The following MARK1 variants were observed in gnomAD, a reference collection of about 807,000 sequenced individuals.
MARK1 encodes serine/threonine-protein kinase MARK1.
A neutral mutation model predicts 96.3 loss-of-function variants in MARK1; 40 were observed. The ratio of observed to expected loss-of-function variants is 0.42; its 90% CI spans 0.32 to 0.54. MARK1 has a LOEUF of 0.54. MARK1 is among the 20% of genes least tolerant of loss of function. The pLI, the probability that MARK1 is intolerant of heterozygous loss-of-function variation, is 0.16. For missense variants in MARK1, 719 were observed against 984.6 expected, an observed-to-expected ratio of 0.73 and a Z score of 3.61; for synonymous variants, 317 against 341.2, an observed-to-expected ratio of 0.93 and a Z score of 0.78.
intron 13 of MARK1, among the ~76,000 whole-genome samples, chr1:220,640,625 A>G (rs754072971): frequency 9.9e-4 from 150 of 152,204 alleles, no homozygotes; most frequent in Non-Finnish European, 1.5e-3. Context: ...TGGATACTTT[A>G]TAAAGAAAAG....
At chr1:220,559,107 C>G (rs932785321) in intron 1 of MARK1, among the ~76,000 whole-genome samples, 1 of 152,070 alleles carries the variant, frequency 6.6e-6, no homozygotes. Flanking sequence ...AGAAAAATTA[C>G]AGAAATCAGA....
intron 13 of MARK1, among the ~76,000 whole-genome samples, chr1:220,643,048 C>T (rs1387732362): frequency 6.6e-6 from 1 of 152,032 alleles, no homozygotes; most frequent in Non-Finnish European, 1.5e-5. Flanking sequence ...TGCCTCTTCT[C>T]CTCCAAATAA....
chr1:220,638,869 C>A (rs1668119700), intron 13 of MARK1, among the ~76,000 whole-genome samples: 1 of 152,080 alleles, frequency 6.6e-6, no homozygotes, highest in African/African-American at 2.4e-5. Context: ...TCTTCCCTAT[C>A]CATTTCCTTT....
At position 220,528,317 on chromosome 1, in the gene MARK1, C is replaced by A. The variant is rs1265271812; in HGVS notation, c.-506C>A. ...CGCCGCCGCCGCTGGGCCCCGGGCG[C>A]GTGGATGCGGCTGGGTCGGGCGGCG... On this transcript the variant is annotated 5_prime_UTR_variant, in exon 1 of 18. Transcript: ENST00000366917. 1.3e-5 allele frequency: 2 copies of A among 151,828 alleles called. No homozygotes were observed. The highest frequency in any genetic ancestry group is 3.9e-4 in the East Asian group (2 of 5,138). The allele number at this position is 151,828 out of a possible 1,614,324, so 9.4% of individuals were successfully genotyped here. A position where few individuals can be genotyped will look rare whatever the true frequency, so the allele number is the denominator to read the frequency against.
In MARK1 at chr1:220,661,897, A is replaced by C; in HGVS notation, c.2119A>C (p.Lys707Gln). 6.2e-7 allele frequency: 1 copy of C among 1,614,228 alleles called. No individual in the cohort carries two copies. Among genetic ancestry groups the C allele is most frequent in the Non-Finnish European group, 8.5e-7 (1 of 1,180,028 alleles). Residue 707 changes from lysine (K) to glutamine (Q), a missense_variant, in exon 18 of 18, where the codon AAG becomes CAG. Lys to Gln is a moderately conservative substitution (Grantham distance 53, BLOSUM62 1). This residue lies in a region of MARK1 where 501 missense variants were observed against 588.3 expected (regional missense o/e 0.85). Transcript: ENST00000366917. ...PRSLRFTWSM[K>Q]TTSSMDPNDM... ...TTCTTTGCGGTTCACATGGAGTATG[A>C]AGACCACTAGTTCAATGGACCCTAA... is the stretch of plus-strand genomic sequence containing the variant.
At chr1:220,544,564 A>G (rs1218281785) in intron 1 of MARK1, among the ~76,000 whole-genome samples, 1 of 152,192 alleles carries the variant, frequency 6.6e-6, no homozygotes, top group African/African-American at 2.4e-5. Context: ...CAGAATCATG[A>G]GCTAAATAAA....
At chr1:220,565,945 G>C (rs941937334) in intron 1 of MARK1, among the ~76,000 whole-genome samples, 1 of 152,258 alleles carries the variant, frequency 6.6e-6, no homozygotes, top group African/African-American at 2.4e-5. Flanking sequence ...ATAGGAGGAA[G>C]GTTTGGGGAG....
At chr1:220,649,238 T>G (rs75427457) in intron 13 of MARK1, among the ~76,000 whole-genome samples, 9,725 of 151,918 alleles carry the variant, frequency 0.064, 334 homozygotes, top group East Asian at 0.11. Context: ...TTTTTTTTTT[T>G]TGGGGGACAG....
Position 220,579,536 on chromosome 1 carries a change from A to C in MARK1, c.234A>C (p.Arg78Ser). 2 of 1,613,998 alleles carry C rather than the reference A, an allele frequency of 1.2e-6. No individual in the cohort carries two copies. Among genetic ancestry groups the C allele is most frequent in the Non-Finnish European group, 1.7e-6 (2 of 1,179,914 alleles). ...KGNFAKVKLARHVLTGREVAV... is the reference protein window; with the variant it reads ...KGNFAKVKLASHVLTGREVAV... ...ATTTTGCCAAAGTCAAATTGGCAAG[A>C]CACGTTCTAACTGGTAGAGAGGTAA... Residue 78 changes from arginine to serine, a missense_variant, in exon 2 of 18, where the codon AGA becomes AGC. By Grantham distance (110) the Arg-to-Ser change is moderately radical. Around this residue, in one of 4 missense-constraint regions of MARK1, gnomAD observed 105 missense variants for 133.4 expected, o/e 0.79. Coordinates refer to ENST00000366917, the MANE Select transcript of MARK1 (RefSeq NM_018650.5).
intron 13 of MARK1, among the ~76,000 whole-genome samples, chr1:220,642,983 T>A (rs185149568): frequency 6.6e-6 from 1 of 151,884 alleles, no homozygotes; most frequent in African/African-American, 2.4e-5. Context: ...GGTACATAAA[T>A]CCACGAAAAT....
chr1:220,583,038 C>G (rs1664343819), intron 3 of MARK1, among the ~76,000 whole-genome samples: 1 of 152,088 alleles, frequency 6.6e-6, no homozygotes, highest in African/African-American at 2.4e-5. Context: ...AGCATTTGAC[C>G]TTTCCCATTT....
intron 13 of MARK1, among the ~76,000 whole-genome samples, chr1:220,644,464 CA>C (rs1668472826): frequency 9.9e-6 from 1 of 100,780 alleles, no homozygotes; most frequent in East Asian, 4.0e-4. Flanking sequence ...CCCCCCCCCA[CA>C]CACACACAAT....
At chr1:220,632,666 G>A in intron 11 of MARK1, among the ~76,000 whole-genome samples, 1 of 152,196 alleles carries the variant, frequency 6.6e-6, no homozygotes, top group East Asian at 1.9e-4. Flanking sequence ...ACATGAGGAA[G>A]TGATAGCATT....
intron 1 of MARK1, among the ~76,000 whole-genome samples, chr1:220,577,099 A>C (rs1179104690): frequency 6.6e-6 from 1 of 151,752 alleles, no homozygotes. Context: ...CTCTACAAAC[A>C]AAACAAAACA....
intron 1 of MARK1, among the ~76,000 whole-genome samples, chr1:220,573,459 G>A (rs993989948): frequency 6.6e-6 from 1 of 152,100 alleles, no homozygotes; most frequent in African/African-American, 2.4e-5. Flanking sequence ...GAGTAGCGGG[G>A]ACTACAGGCA....
chr1:220,626,419 C>A, intron 9 of MARK1: 1 of 545,944 alleles, frequency 1.8e-6, no homozygotes, highest in Non-Finnish European at 3.7e-6. Flanking sequence ...CTACCTGCTC[C>A]GAGATGGGAT....
intron 16 of MARK1, 84 bp from the exon 17 acceptor site, chr1:220,657,706 A>G (rs1669250740): frequency 5.2e-6 from 5 of 966,568 alleles, no homozygotes; most frequent in African/African-American, 1.7e-5. Flanking sequence ...TCAACAAGCT[A>G]ATTTTAAAAT....
chr1:220,641,887 C>T (rs1025391556), intron 13 of MARK1, among the ~76,000 whole-genome samples: 3 of 152,220 alleles, frequency 2.0e-5, no homozygotes, highest in Non-Finnish European at 2.9e-5. Flanking sequence ...TGGGGCACTA[C>T]GCTTTTCCCA....
chr1:220,561,205 T>C (rs1481567605), intron 1 of MARK1, among the ~76,000 whole-genome samples: 2 of 152,168 alleles, frequency 1.3e-5, no homozygotes, highest in African/African-American at 2.4e-5. Flanking sequence ...AAGCTTTGAA[T>C]ATTCCAGGAA....
Sources: allele counts gnomAD v4.1 joint callset (sites outside exome capture counted in the v4.1 genomes callset), GRCh38; gene constraint gnomAD v4.1.1; regional missense constraint gnomAD v4.1.1; transcripts MANE v1.5; gene names NCBI Gene and HGNC (gene_info 2026-07-23, HGNC 2026-07-21).